Variants in PIM1 observed in about 807,000 individuals in gnomAD.
PIM1 encodes Pim-1 proto-oncogene, serine/threonine kinase.
PIM1 carries 9 observed loss-of-function variants against 34.5 expected under a neutral mutation model. The ratio of observed to expected loss-of-function variants is 0.26; its 90% CI spans 0.16 to 0.46. The LOEUF is 0.46. PIM1 is among the 20% of genes least tolerant of loss of function. The pLI is 1.00. For synonymous variants in PIM1, 199 were observed against 175.2 expected, an observed-to-expected ratio of 1.14 and a Z score of -1.07; for missense variants, 274 against 410.9, an observed-to-expected ratio of 0.67 and a Z score of 2.88.
At position 37,170,542 on chromosome 6, in the gene PIM1, G is replaced by T; in HGVS notation, c.-34G>T. The T allele has an allele frequency of 6.2e-7, 1 of 1,611,258 alleles. No homozygotes were observed. The highest frequency in any genetic ancestry group is 8.5e-7 in the Non-Finnish European group (1 of 1,179,440). On this transcript the variant is annotated 5_prime_UTR_variant, in exon 1 of 6. Transcript: ENST00000373509. ...CCGGCTCCTGCGGCAGCTCCTCTGG[G>T]CACCGTCCCTGCGCCGACATCCTGG... is the stretch of plus-strand genomic sequence containing the variant.
Position 37,174,191 on chromosome 6 carries a change from C to G in PIM1, c.*100C>G. On this transcript the variant is annotated 3_prime_UTR_variant, in exon 6 of 6. Coordinates refer to ENST00000373509, the MANE Select transcript of PIM1 (RefSeq NM_002648.4). The stretch of plus-strand genomic sequence containing the variant: ...AGTACCAGTGACACGTCTCGCCAAG[C>G]AGGACAGTGCTTGATACAGGAACAA... 2 of 1,152,160 alleles carry G rather than the reference C, an allele frequency of 1.7e-6. No homozygotes were observed. Among genetic ancestry groups the G allele is most frequent in the South Asian group, 1.5e-5 (1 of 67,298 alleles). 71.4% of individuals were successfully genotyped at this position (1,152,160 alleles called of 1,614,324 possible).
At position 37,171,019 on chromosome 6, in the gene PIM1, C is replaced by G. The variant is rs1244502757; in HGVS notation, c.228C>G (p.Asp76Glu). Residue 76 changes from aspartate (D) to glutamate (E), a missense_variant, in exon 3 of 6, where the codon GAC (aspartate) becomes GAG (glutamate). Asp to Glu is a conservative substitution (Grantham distance 45). Transcript: ENST00000373509. Reference sequence around the variant, plus strand: ...ACGTGGAGAAGGACCGGATTTCCGACTGGGGAGAGCTGGTGAGTGCCCTGC... The same window carrying G: ...ACGTGGAGAAGGACCGGATTTCCGAGTGGGGAGAGCTGGTGAGTGCCCTGC... ...IKHVEKDRISDWGELPNGTRV... is the reference protein window; with the variant it reads ...IKHVEKDRISEWGELPNGTRV... The G allele has an allele frequency of 3.1e-6, 5 of 1,614,094 alleles. No homozygotes were observed. Among genetic ancestry groups the G allele is most frequent in the Non-Finnish European group, 4.2e-6 (5 of 1,180,012 alleles).
In PIM1 at chr6:37,170,840, C is replaced by T; in HGVS notation, c.150C>T (p.Gly50=). ...CGCTACTGGGCAGCGGCGGCTTCGG[C>T]TCGGTCTACTCAGGCATCCGCGTCT... The part of the protein sequence containing the change: ...VGPLLGSGGF[G]SVYSGIRVSD... Residue 50 remains glycine (G), a synonymous_variant, in exon 2 of 6, where the codon GGC becomes GGT. Coordinates refer to ENST00000373509, the MANE Select transcript of PIM1 (RefSeq NM_002648.4). 11 of 1,612,864 alleles carry T rather than the reference C, an allele frequency of 6.8e-6. No individual in the cohort carries two copies. The highest frequency in any genetic ancestry group is 1.3e-5 in the African/African-American group (1 of 75,040).
At position 37,174,661 on chromosome 6, in the gene PIM1, C is replaced by T. The variant is rs1762374018; in HGVS notation, c.*570C>T. 1 of 233,746 alleles carries T rather than the reference C, an allele frequency of 4.3e-6. No individual in the cohort carries two copies. The highest frequency in any genetic ancestry group is 8.5e-6 in the Non-Finnish European group (1 of 118,156). The allele number at this position is 233,746 out of a possible 1,614,324, so 14.5% of individuals were successfully genotyped here. A position where few individuals can be genotyped will look rare whatever the true frequency, so the allele number is the denominator to read the frequency against. The stretch of plus-strand genomic sequence containing the variant: ...CTCTCCTGTCCTCCCTCACCCCCTC[C>T]TTCATATGAAAGGTGCCATGGAAGA... On this transcript the variant is annotated 3_prime_UTR_variant, in exon 6 of 6. Coordinates refer to ENST00000373509, the MANE Select transcript of PIM1 (RefSeq NM_002648.4).
rs1762278006 is a variant in PIM1 at position 37,171,125 on chromosome 6, C to A, written c.241C>A (p.Pro81Thr). 1 of 1,613,728 alleles carries A rather than the reference C, an allele frequency of 6.2e-7. No individual in the cohort carries two copies. The highest frequency in any genetic ancestry group is 1.7e-5 in the Admixed American group (1 of 60,008). ...KDRISDWGEL[P>T]NGTRVPMEVV... ...TAACGCGGCCCCCTCGCCCCTGCAG[C>A]CTAATGGCACTCGAGTGCCCATGGA... The change falls in exon 4 of 6, where the codon CCT (proline) becomes ACT (threonine). Residue 81 changes from proline to threonine, a missense_variant and splice_region_variant. By Grantham distance (38) the Pro-to-Thr change is conservative (BLOSUM62 -1). Around this residue, in one of 2 missense-constraint regions of PIM1, gnomAD observed 106 missense variants for 111.5 expected, o/e 0.95. Transcript: ENST00000373509.
rs367638496 is a variant in PIM1, at chr6:37,171,129, A to C, written c.245A>C (p.Asn82Thr). Reference protein sequence around the residue: ...DRISDWGELPNGTRVPMEVVL... With the variant: ...DRISDWGELPTGTRVPMEVVL... ...GCGGCCCCCTCGCCCCTGCAGCCTA[A>C]TGGCACTCGAGTGCCCATGGAAGTG... The change falls in exon 4 of 6, where the codon AAT (asparagine) becomes ACT (threonine). Residue 82 changes from asparagine to threonine, a missense_variant. Coordinates refer to ENST00000373509, the MANE Select transcript of PIM1 (RefSeq NM_002648.4). 2 of 1,613,826 alleles carry C rather than the reference A, an allele frequency of 1.2e-6. No individual in the cohort carries two copies. The highest frequency in any genetic ancestry group is 4.5e-5 in the East Asian group (2 of 44,874).
In PIM1 at chr6:37,170,347, G is replaced by A. The variant is rs1245438172; in HGVS notation, c.-229G>A. ...AGCCGCTCACCCCGCCGTTCTCAGC[G>A]CTGCCCGACCCCGCTGGCGCGCCCT... is the stretch of plus-strand genomic sequence containing the variant. On this transcript the variant is annotated 5_prime_UTR_variant, in exon 1 of 6. Coordinates refer to ENST00000373509, the MANE Select transcript of PIM1 (RefSeq NM_002648.4). 8.6e-6 allele frequency: 13 copies of A among 1,510,138 alleles called. No homozygotes were observed. The highest frequency in any genetic ancestry group is 1.1e-5 in the Non-Finnish European group (13 of 1,134,962). The allele number at this position is 1,510,138 out of a possible 1,614,324, so 93.5% of individuals were successfully genotyped here.
In PIM1 at chr6:37,171,165, A is replaced by T. The variant is rs771241383; in HGVS notation, c.281A>T (p.Lys94Met). The part of the protein sequence containing the change: ...TRVPMEVVLL[K>M]KVSSGFSGVI... ...GTGCCCATGGAAGTGGTCCTGCTGA[A>T]GAAGGTGAGCTCGGGTTTCTCCGGC... is the stretch of plus-strand genomic sequence containing the variant. Residue 94 changes from lysine to methionine, a missense_variant, in exon 4 of 6, where the codon AAG becomes ATG. By Grantham distance (95) the Lys-to-Met change is moderately conservative (BLOSUM62 -1). Around this residue, in one of 2 missense-constraint regions of PIM1, gnomAD observed 168 missense variants for 299.4 expected, o/e 0.56. Coordinates refer to ENST00000373509, the MANE Select transcript of PIM1 (RefSeq NM_002648.4). 1 of 1,614,066 alleles carries T rather than the reference A, an allele frequency of 6.2e-7. No individual in the cohort carries two copies.
intron 4 of PIM1, among the ~76,000 whole-genome samples, 193 bp downstream of exon 4, chr6:37,171,684 A>T (rs186187168): frequency 6.6e-6 from 1 of 152,300 alleles, no homozygotes; most frequent in East Asian, 1.9e-4. Context: ...CTGAACCTGT[A>T]ATGTTTCTGG....
Position 37,170,392 on chromosome 6 carries a change from G to A in PIM1, c.-184G>A. The A allele has an allele frequency of 6.5e-7, 1 of 1,526,912 alleles. No individual in the cohort carries two copies. The highest frequency in any genetic ancestry group is 1.2e-5 in the South Asian group (1 of 83,292). 94.6% of individuals were successfully genotyped at this position (1,526,912 alleles called of 1,614,324 possible). On this transcript the variant is annotated 5_prime_UTR_variant, in exon 1 of 6. Transcript: ENST00000373509. ...CGCCCTCCCGCCGCCAGTCCCGGCA[G>A]CGCCCTCAGTTGTCCTCCGACTCGC...
rs1307075300 is a variant in PIM1 at position 37,170,508 on chromosome 6, G to A, written c.-68G>A. ...AGCCCCAGGCATAGCCTTCGGCACA[G>A]CCCCGGCTCCGGCTCCTGCGGCAGC... On this transcript the variant is annotated 5_prime_UTR_variant, in exon 1 of 6. Coordinates refer to ENST00000373509, the MANE Select transcript of PIM1 (RefSeq NM_002648.4). The A allele has an allele frequency of 3.7e-6, 6 of 1,602,964 alleles. No individual in the cohort carries two copies. In the African/African-American group the frequency reaches 8.0e-5, roughly 21 times the overall value.
rs772190555 is a variant in PIM1, at chr6:37,170,519, GGCTCCT to G, written c.-54_-49del. 1.2e-6 allele frequency: 2 copies of G among 1,607,772 alleles called. No individual in the cohort carries two copies. The highest frequency in any genetic ancestry group is 1.7e-6 in the Non-Finnish European group (2 of 1,178,542). On this transcript the variant is annotated 5_prime_UTR_variant, in exon 1 of 6. Transcript: ENST00000373509. ...TAGCCTTCGGCACAGCCCCGGCTCC[GGCTCCT>G]GCGGCAGCTCCTCTGGGCACCGTCC...
Position 37,174,667 on chromosome 6 carries a change from A to G in PIM1, c.*576A>G, listed in dbSNP as rs1762374137. On this transcript the variant is annotated 3_prime_UTR_variant, in exon 6 of 6. Coordinates refer to ENST00000373509, the MANE Select transcript of PIM1 (RefSeq NM_002648.4). ...TGTCCTCCCTCACCCCCTCCTTCATATGAAAGGTGCCATGGAAGAGGCTAC... is the reference window on the plus strand; with the variant it reads ...TGTCCTCCCTCACCCCCTCCTTCATGTGAAAGGTGCCATGGAAGAGGCTAC... 1 of 233,580 alleles carries G rather than the reference A, an allele frequency of 4.3e-6. No homozygotes were observed. The highest frequency in any genetic ancestry group is 8.5e-6 in the Non-Finnish European group (1 of 118,124). The allele number at this position is 233,580 out of a possible 1,614,324, so 14.5% of individuals were successfully genotyped here.
chr6:37,172,433 CA>C (rs1193442428), intron 4 of PIM1: 1 of 363,526 alleles, frequency 2.8e-6, no homozygotes, highest in African/African-American at 2.1e-5. Flanking sequence ...GGTCTGAAAC[CA>C]ACCCTGCAGC....
chr6:37,174,430 TCTG>T lies in PIM1; in HGVS notation c.*343_*345del, dbSNP rs1762368141. 1.1e-5 allele frequency: 3 copies of T among 280,532 alleles called. No homozygotes were observed. The highest frequency in any genetic ancestry group is 2.1e-5 in the African/African-American group (1 of 46,694). The allele number at this position is 280,532 out of a possible 1,614,324, so 17.4% of individuals were successfully genotyped here. Reference sequence around the variant, plus strand: ...TGGAACTGTTTCCTTCATCATGAGTTCTGCTGAATGCCGCGATGGGTCAGGTAG... The same window carrying T: ...TGGAACTGTTTCCTTCATCATGAGTTCTGAATGCCGCGATGGGTCAGGTAG... On this transcript the variant is annotated 3_prime_UTR_variant, in exon 6 of 6. Coordinates refer to ENST00000373509, the MANE Select transcript of PIM1 (RefSeq NM_002648.4).
At chr6:37,173,204 A>T in intron 5 of PIM1, 32 bp downstream of exon 5, 1 of 1,597,634 alleles carries the variant, frequency 6.3e-7, no homozygotes, top group Admixed American at 1.7e-5. Context: ...CCATGGGGTT[A>T]TTGGTCTTAA....
rs1343861789 is a variant in PIM1, at chr6:37,170,391, A to G, written c.-185A>G. ...GCGCCCTCCCGCCGCCAGTCCCGGCAGCGCCCTCAGTTGTCCTCCGACTCG... is the reference window on the plus strand; with the variant it reads ...GCGCCCTCCCGCCGCCAGTCCCGGCGGCGCCCTCAGTTGTCCTCCGACTCG... On this transcript the variant is annotated 5_prime_UTR_variant, in exon 1 of 6. Coordinates refer to ENST00000373509, the MANE Select transcript of PIM1 (RefSeq NM_002648.4). 2.0e-6 allele frequency: 3 copies of G among 1,524,616 alleles called. No individual in the cohort carries two copies. Among genetic ancestry groups the G allele is most frequent in the Non-Finnish European group, 2.6e-6 (3 of 1,141,788 alleles). 94.4% of individuals were successfully genotyped at this position (1,524,616 alleles called of 1,614,324 possible). A position where few individuals can be genotyped will look rare whatever the true frequency, so the allele number is the denominator to read the frequency against.
chr6:37,171,090 A>G (rs780782820), intron 3 of PIM1, 35 bp from the exon 4 acceptor site: 1 of 1,612,970 alleles, frequency 6.2e-7, no homozygotes, highest in Non-Finnish European at 8.5e-7. Context: ...GGCGCCCCCG[A>G]CTCCCGCCCT....
At position 37,174,175 on chromosome 6, in the gene PIM1, G is replaced by A; in HGVS notation, c.*84G>A. ...TGTCTCCAGCTTCCCGAGTACCAGT[G>A]ACACGTCTCGCCAAGCAGGACAGTG... On this transcript the variant is annotated 3_prime_UTR_variant, in exon 6 of 6. Transcript: ENST00000373509. The A allele has an allele frequency of 7.5e-7, 1 of 1,328,276 alleles. No individual in the cohort carries two copies. Among genetic ancestry groups the A allele is most frequent in the African/African-American group, 1.5e-5 (1 of 68,504 alleles). The allele number at this position is 1,328,276 out of a possible 1,614,324, so 82.3% of individuals were successfully genotyped here. A position where few individuals can be genotyped will look rare whatever the true frequency, so the allele number is the denominator to read the frequency against.
Sources: allele counts gnomAD v4.1 joint callset (sites outside exome capture counted in the v4.1 genomes callset), GRCh38; gene constraint gnomAD v4.1.1; regional missense constraint gnomAD v4.1.1; transcripts MANE v1.5; gene names NCBI Gene and HGNC (gene_info 2026-07-23, HGNC 2026-07-21).